Variants in DMD observed in about 807,000 individuals in gnomAD.
DMD encodes mutant dystrophin.
Under a neutral mutation model 330.1 loss-of-function variants are expected in DMD, and 63 were observed. The observed-to-expected ratio is 0.19, with a 90% CI of 0.16 to 0.24. The LOEUF is 0.24. Ranked by LOEUF, DMD falls within the 10% of genes least tolerant of loss-of-function variation. DMD has a pLI of 1.00. For missense variants in DMD, 3,344 were observed against 2,684.1 expected (o/e 1.25, Z -5.43); for synonymous variants, 1,223 against 959.8 (o/e 1.27, Z -5.07).
chrX:31,336,692 C>T (rs1021442870), intron 61 of DMD, among the ~76,000 whole-genome samples: 4 of 111,213 alleles, frequency 3.6e-5, no homozygotes, highest in African/African-American at 1.3e-4. Flanking sequence ...GAATGTAATA[C>T]ACAGAGATAA....
intron 67 of DMD, among the ~76,000 whole-genome samples, chrX:31,197,574 A>T (rs760723768): frequency 8.9e-6 from 1 of 112,129 alleles, no homozygotes; most frequent in South Asian, 3.7e-4. Flanking sequence ...TTCAGAAGAT[A>T]GATGGAAAAG....
At chrX:31,583,746 G>C (rs1297307541) in intron 55 of DMD, among the ~76,000 whole-genome samples, 1 of 100,547 alleles carries the variant, frequency 9.9e-6, no homozygotes, top group African/African-American at 3.6e-5. Context: ...CCATCACCTA[G>C]AGATATATAT....
rs1444852072 is a variant in DMD, at chrX:32,330,649, T to A, written c.5922+11451A>T. ...GTGTATAAATTCTTGTTCTTTTTTT[T>A]CTTCATTGTATGAGTTATATTTATC... On this transcript the variant is annotated intron_variant, in intron 41 of 78. Coordinates refer to ENST00000357033, the MANE Select transcript of DMD (RefSeq NM_004006.3). Among the ~76,000 whole-genome samples, 4 of 111,849 alleles carry A rather than the reference T, an allele frequency of 3.6e-5. No individual in the cohort carries two copies. In the East Asian group the frequency reaches 8.4e-4, roughly 23 times the overall value.
chrX:32,231,385 TC>T (rs1186820458), intron 43 of DMD, among the ~76,000 whole-genome samples: 1 of 111,888 alleles, frequency 8.9e-6, no homozygotes, highest in Non-Finnish European at 1.9e-5. Flanking sequence ...ATGACATTTT[TC>T]TTCTTAGGCA....
chrX:32,542,000 G>A (rs1011420044), intron 17 of DMD, among the ~76,000 whole-genome samples: 5 of 111,810 alleles, frequency 4.5e-5, no homozygotes, highest in African/African-American at 1.3e-4. Flanking sequence ...TGAGGCAGTT[G>A]CTGGATGCAC....
chrX:32,489,260 C>T (rs1365782105), intron 20 of DMD, among the ~76,000 whole-genome samples: 2 of 110,155 alleles, frequency 1.8e-5, no homozygotes, highest in East Asian at 5.8e-4. Context: ...ATGTTGAAGT[C>T]CTAACCATTG....
At chrX:31,998,765 T>A (rs1202536036) in intron 44 of DMD, among the ~76,000 whole-genome samples, 1 of 112,169 alleles carries the variant, frequency 8.9e-6, no homozygotes. Flanking sequence ...TCCAACTTCA[T>A]AAAAATTGTA....
chrX:32,890,450 G>A (rs2085093788), intron 2 of DMD, among the ~76,000 whole-genome samples: 2 of 108,718 alleles, frequency 1.8e-5, no homozygotes, highest in South Asian at 8.4e-4. Flanking sequence ...GGGTGGGGGA[G>A]GGGGACTCAT....
At chrX:31,822,345 C>T (rs969456428) in intron 49 of DMD, among the ~76,000 whole-genome samples, 4 of 111,668 alleles carry the variant, frequency 3.6e-5, no homozygotes, top group Middle Eastern at 4.6e-3. Flanking sequence ...CAAGAGGTAT[C>T]GAGCCTTAAA....
chrX:32,779,591 TTTGG>T (rs1238297459), intron 7 of DMD, among the ~76,000 whole-genome samples: 3 of 107,547 alleles, frequency 2.8e-5, no homozygotes, highest in African/African-American at 1.0e-4. Flanking sequence ...ACATGCGGTG[TTTGG>T]TTTTTTATCC....
chrX:31,293,218 T>TGTGTGTGTGTGTAGTCTGGTTTA (rs2053892319), intron 62 of DMD, among the ~76,000 whole-genome samples: 4 of 95,877 alleles, frequency 4.2e-5, no homozygotes, highest in African/African-American at 1.8e-4. Context: ...TGTGTGTGTG[T>TGTGTGTGTGTGTAGTCTGGTTTA]GTGTGTGTGT....
chrX:33,126,359 T>G (rs1027022004), intron 1 of DMD, among the ~76,000 whole-genome samples: 1 of 111,936 alleles, frequency 8.9e-6, no homozygotes, highest in African/African-American at 3.2e-5. Flanking sequence ...ACACTCATTT[T>G]CTGTTCTTAG....
intron 67 of DMD, among the ~76,000 whole-genome samples, chrX:31,193,956 G>A (rs2042638667): frequency 9.0e-6 from 1 of 111,151 alleles, no homozygotes; most frequent in African/African-American, 3.3e-5. Flanking sequence ...CGAGGCAGGT[G>A]GATCACCTGA....
intron 60 of DMD, among the ~76,000 whole-genome samples, chrX:31,375,016 C>T (rs1296358110): frequency 9.0e-6 from 1 of 110,765 alleles, no homozygotes; most frequent in Non-Finnish European, 1.9e-5. Context: ...CAGCTACATC[C>T]CCTCCCTCAG....
chrX:31,744,478 ACTC>A (rs1443902698), intron 51 of DMD, among the ~76,000 whole-genome samples: 1 of 111,560 alleles, frequency 9.0e-6, no homozygotes, highest in African/African-American at 3.3e-5. Context: ...GGGGATTATT[ACTC>A]CTCAATTTTT....
intron 60 of DMD, among the ~76,000 whole-genome samples, chrX:31,442,264 C>T (rs960775319): frequency 4.5e-5 from 5 of 111,759 alleles, no homozygotes; most frequent in Non-Finnish European, 9.4e-5. Flanking sequence ...TAGATTTCTG[C>T]ATTTTAAAAA....
chrX:31,820,609 C>A (rs1402676534), intron 49 of DMD, among the ~76,000 whole-genome samples: 1 of 111,683 alleles, frequency 9.0e-6, no homozygotes, highest in African/African-American at 3.3e-5. Context: ...ACTGTCAGTC[C>A]CTTCAGGGAC....
chrX:31,722,519 A>G (rs1182056192), intron 52 of DMD, among the ~76,000 whole-genome samples: 2 of 111,487 alleles, frequency 1.8e-5, no homozygotes, highest in Non-Finnish European at 3.8e-5. Flanking sequence ...TATACAAAAT[A>G]AAAAGCTAAA....
intron 50 of DMD, among the ~76,000 whole-genome samples, chrX:31,775,114 A>G (rs1169009426): frequency 9.0e-6 from 1 of 111,511 alleles, no homozygotes; most frequent in Non-Finnish European, 1.9e-5. Flanking sequence ...TTTTTCATGT[A>G]TTTACCTTAA....
Sources: gnomAD v4.1 joint callset for allele counts (sites outside exome capture counted in the v4.1 genomes callset) on GRCh38, gnomAD v4.1.1 for gene constraint, MANE v1.5 for transcripts, NCBI Gene and HGNC (gene_info 2026-07-23, HGNC 2026-07-21) for gene names.